VPS35L: variants seen among roughly 807,000 people sequenced by gnomAD.
VPS35L encodes VPS35 endosomal protein sorting factor like, also known as VPS35 endosomal protein-sorting factor-like.
VPS35L carries 83 observed loss-of-function variants against 133.0 expected under a neutral mutation model. The ratio of observed to expected loss-of-function variants is 0.62; its 90% confidence interval spans 0.52 to 0.75. The LOEUF is 0.75. VPS35L is among the 30% of genes least tolerant of loss of function. The probability of loss-of-function intolerance (pLI) is 0.00; values close to 1 mark genes in which losing one functional copy is unlikely to be tolerated. For missense variants in VPS35L, 1,083 were observed against 1,206.8 expected, an observed-to-expected ratio of 0.90 and a Z score of 1.52; for synonymous variants, 423 against 449.9, an observed-to-expected ratio of 0.94 and a Z score of 0.76.
chr16:19,699,436 A>T lies in VPS35L; in HGVS notation c.2647-66A>T. 6.3e-7 allele frequency: 1 copy of T among 1,591,442 alleles called. No individual in the cohort carries two copies. Among genetic ancestry groups the T allele is most frequent in the Non-Finnish European group, 8.6e-7 (1 of 1,165,498 alleles). On this transcript the variant is annotated intron_variant, in intron 29 of 30. Coordinates refer to ENST00000417362, the MANE Select transcript of VPS35L (RefSeq NM_020314.7). This position sits in a 1 kb window ranked among gnomAD's most constrained non-coding sequence, Gnocchi z 4.2. ...ACCTACCCCAGAGTCAGCACTGTCCACAGCATCTCTGCGGGGCACGGCCTG... is the reference window on the plus strand; with the variant it reads ...ACCTACCCCAGAGTCAGCACTGTCCTCAGCATCTCTGCGGGGCACGGCCTG...
chr16:19,680,438 C>T (rs1486283950), intron 27 of VPS35L, among the ~76,000 whole-genome samples: 2 of 152,174 alleles, frequency 1.3e-5, no homozygotes, highest in East Asian at 1.9e-4. Flanking sequence ...TAACAGAATA[C>T]AGTGTGCAGC....
chr16:19,581,887 A>C, intron 7 of VPS35L: 2 of 552,904 alleles, frequency 3.6e-6, no homozygotes, highest in South Asian at 2.3e-5. Flanking sequence ...AACTCCAGGA[A>C]GCACTCTTCA....
intron 7 of VPS35L, among the ~76,000 whole-genome samples, chr16:19,586,926 A>G (rs946394439): frequency 3.6e-4 from 55 of 152,202 alleles, no homozygotes; most frequent in African/African-American, 1.2e-3. Context: ...TTGCATTGCT[A>G]TAAAGAACTA....
chr16:19,637,914 A>T (rs1304207767), intron 20 of VPS35L, among the ~76,000 whole-genome samples: 1 of 152,226 alleles, frequency 6.6e-6, no homozygotes, highest in Non-Finnish European at 1.5e-5. Context: ...AAGTAAGGGC[A>T]TTACACAACT....
intron 21 of VPS35L, among the ~76,000 whole-genome samples, chr16:19,641,215 C>T (rs917077290): frequency 1.1e-4 from 16 of 152,008 alleles, no homozygotes; most frequent in African/African-American, 3.9e-4. Context: ...TATGCACCCA[C>T]CTCCACGTCC....
At chr16:19,612,285 A>G (rs1309556913) in intron 12 of VPS35L, among the ~76,000 whole-genome samples, 3 of 142,926 alleles carry the variant, frequency 2.1e-5, no homozygotes, top group Non-Finnish European at 4.6e-5. Context: ...CCAGAGTCTC[A>G]CTCTGTTGCC....
chr16:19,575,024 A>T (rs1193203763), intron 4 of VPS35L, 74 bp from the exon 5 acceptor site: 2 of 1,274,720 alleles, frequency 1.6e-6, no homozygotes, highest in African/African-American at 3.0e-5. Context: ...TGGGTATGTA[A>T]ATGGCTCTGT....
chr16:19,585,726 C>T (rs990255419), intron 7 of VPS35L, among the ~76,000 whole-genome samples: 1 of 151,760 alleles, frequency 6.6e-6, no homozygotes, highest in Non-Finnish European at 1.5e-5. Flanking sequence ...TTATAACCCT[C>T]CTACTATCCT....
intron 8 of VPS35L, among the ~76,000 whole-genome samples, chr16:19,592,608 A>G (rs1972079420): frequency 6.6e-6 from 1 of 151,772 alleles, no homozygotes; most frequent in South Asian, 2.1e-4. Context: ...CCACATGCCC[A>G]TGTCCAGTCA....
At chr16:19,615,902 G>T (rs1972873821) in intron 12 of VPS35L, among the ~76,000 whole-genome samples, 1 of 151,680 alleles carries the variant, frequency 6.6e-6, no homozygotes. Flanking sequence ...GGGAGTCGGT[G>T]GTTGCAGTCA....
intron 7 of VPS35L, among the ~76,000 whole-genome samples, chr16:19,583,850 CCT>C (rs761251104): frequency 2.8e-4 from 42 of 152,276 alleles, no homozygotes; most frequent in African/African-American, 9.9e-4. Context: ...TGTTAACCAA[CCT>C]CTTTGTTCTC....
In VPS35L at chr16:19,644,903, A is replaced by C. The variant is rs771544834; in HGVS notation, c.1883A>C (p.Asp628Ala). The C allele has an allele frequency of 9.4e-6, 15 of 1,601,086 alleles. No homozygotes were observed. Among genetic ancestry groups the C allele is most frequent in the Admixed American group, 1.7e-5 (1 of 59,768 alleles). ...HDSVNALTLE[D>A]EKRMLSYLIN... The stretch of plus-strand genomic sequence containing the variant: ...GATTTTAGTGCACTCACTCTTGAGG[A>C]TGAGAAAAGAATGCTGTCATATTTG... Residue 628 changes from aspartate (D) to alanine (A), a missense_variant, in exon 23 of 31, where the codon GAT becomes GCT. Coordinates refer to ENST00000417362, the MANE Select transcript of VPS35L (RefSeq NM_020314.7).
intron 22 of VPS35L, among the ~76,000 whole-genome samples, chr16:19,644,667 A>G (rs1228486699): frequency 2.0e-5 from 3 of 152,224 alleles, no homozygotes; most frequent in Non-Finnish European, 4.4e-5. Flanking sequence ...CTATCTTGAG[A>G]ACAGCATATT....
chr16:19,572,898 C>T (rs890596658), intron 3 of VPS35L, among the ~76,000 whole-genome samples: 2 of 152,096 alleles, frequency 1.3e-5, no homozygotes, highest in African/African-American at 4.8e-5. Context: ...TGGTGTTAAA[C>T]CCCCGCCCTT....
intron 7 of VPS35L, among the ~76,000 whole-genome samples, chr16:19,588,620 C>A (rs1301700695): frequency 6.6e-6 from 1 of 151,866 alleles, no homozygotes; most frequent in East Asian, 1.9e-4. Context: ...ATAAAAAAAA[C>A]CTTCTGGGAT....
intron 26 of VPS35L, among the ~76,000 whole-genome samples, chr16:19,668,734 A>G (rs1330532903): frequency 6.6e-6 from 1 of 152,078 alleles, no homozygotes; most frequent in East Asian, 1.9e-4. Context: ...GGAACTTCAT[A>G]CACAGGACAC....
chr16:19,625,217 C>T (rs1973224414), intron 14 of VPS35L, among the ~76,000 whole-genome samples: 1 of 152,150 alleles, frequency 6.6e-6, no homozygotes, highest in South Asian at 2.1e-4. Flanking sequence ...ACTGTGCGAC[C>T]TTGGGTGAAA....
chr16:19,642,328 A>T, intron 21 of VPS35L, 68 bp from the exon 22 acceptor site: 1 of 1,383,160 alleles, frequency 7.2e-7, no homozygotes, highest in Non-Finnish European at 1.0e-6. Flanking sequence ...AGTGGATGAA[A>T]ACTGAATCCA....
intron 26 of VPS35L, among the ~76,000 whole-genome samples, chr16:19,657,663 A>G (rs1221303928): frequency 1.3e-5 from 2 of 152,176 alleles, no homozygotes; most frequent in Non-Finnish European, 2.9e-5. Context: ...TTCAACCTGT[A>G]TATGGAGCCC....
Sources: allele counts gnomAD v4.1 joint callset (sites outside exome capture counted in the v4.1 genomes callset), GRCh38; gene constraint gnomAD v4.1.1; non-coding constraint Gnocchi (gnomAD v3.1); transcripts MANE v1.5; gene names NCBI Gene and HGNC (gene_info 2026-07-23, HGNC 2026-07-21).